Variants in CENPF observed in about 807,000 individuals in gnomAD.
The protein encoded by CENPF is centromere protein F.
CENPF carries 214 observed loss-of-function variants against 307.3 expected under a neutral mutation model. The ratio of observed to expected loss-of-function variants is 0.70; its 90% CI spans 0.62 to 0.78. The LOEUF is 0.78. Ranked by LOEUF, CENPF falls within the 30% of genes least tolerant of loss-of-function variation. The pLI, the probability that CENPF is intolerant of heterozygous loss-of-function variation, is 0.00. For missense variants in CENPF, 3,401 were observed against 3,483.9 expected (o/e 0.98, Z 0.60); for synonymous variants, 1,259 against 1,270.6 (o/e 0.99, Z 0.19).
intron 3 of CENPF, among the ~76,000 whole-genome samples, chr1:214,617,230 TAGAG>T (rs1657384622): frequency 1.3e-5 from 2 of 151,780 alleles, no homozygotes; most frequent in African/African-American, 4.8e-5. Flanking sequence ...GTATTTTTAG[TAGAG>T]AGAGGTTTTC....
In CENPF at chr1:214,645,961, G is replaced by C; in HGVS notation, c.6391G>C (p.Asp2131His). ...GAAACTGAGAGTTCGCATTGAGGCC[G>C]ATGAAAAGAAGCAGCTGCACATCGC... ...IEKLRVRIEA[D>H]EKKQLHIAEK... The change falls in exon 13 of 20, where the codon GAT becomes CAT. Residue 2131 changes from aspartate to histidine, a missense_variant. By Grantham distance (81) the Asp-to-His change is moderately conservative (BLOSUM62 -1). Transcript: ENST00000366955. 6.2e-7 allele frequency: 1 copy of C among 1,614,138 alleles called. No homozygotes were observed. Among genetic ancestry groups the C allele is most frequent in the Non-Finnish European group, 8.5e-7 (1 of 1,180,054 alleles).
chr1:214,630,590 G>A lies in CENPF; in HGVS notation c.1251G>A (p.Met417Ile), dbSNP rs757238771. 1.9e-6 allele frequency: 3 copies of A among 1,614,052 alleles called. No homozygotes were observed. The highest frequency in any genetic ancestry group is 1.3e-5 in the African/African-American group (1 of 74,918). Residue 417 changes from methionine to isoleucine, a missense_variant, in exon 9 of 20, where the codon ATG becomes ATA. Physicochemically the swap from Met to Ile is conservative, Grantham distance 10 (BLOSUM62 1). Transcript: ENST00000366955. ...FQTLDQECIQ[M>I]KARLTQELQQ... Reference sequence around the variant, plus strand: ...CACTGGACCAGGAGTGCATCCAGATGAAGGCCAGACTCACCCAGGAGTTAC... The same window carrying A: ...CACTGGACCAGGAGTGCATCCAGATAAAGGCCAGACTCACCCAGGAGTTAC...
At position 214,650,733 on chromosome 1, in the gene CENPF, T is replaced by G. The variant is rs576923246; in HGVS notation, c.7984-977T>G. 8.7e-5 allele frequency among the ~76,000 whole-genome samples: 13 copies of G among 149,912 alleles called. No homozygotes were observed. The South Asian group carries it at 2.1e-3, about 24-fold the overall frequency. ...CCTGGGCAACATGGCAAAACTCTGTTTCTACAAAAAAACAGTAAAATTAGC... is the reference window on the plus strand; with the variant it reads ...CCTGGGCAACATGGCAAAACTCTGTGTCTACAAAAAAACAGTAAAATTAGC... On this transcript the variant is annotated intron_variant, in intron 14 of 19. Coordinates refer to ENST00000366955, the MANE Select transcript of CENPF (RefSeq NM_016343.4).
intron 1 of CENPF, among the ~76,000 whole-genome samples, chr1:214,609,036 G>A (rs1480793833): frequency 2.0e-5 from 3 of 151,704 alleles, no homozygotes; most frequent in African/African-American, 7.3e-5. Context: ...GAGCCCCAGG[G>A]AGCCTCGCAA....
At chr1:214,649,349 C>T (rs1478584151) in intron 14 of CENPF, among the ~76,000 whole-genome samples, 1 of 152,114 alleles carries the variant, frequency 6.6e-6, no homozygotes, top group Non-Finnish European at 1.5e-5. Context: ...TCCCTTTTTC[C>T]TGAGTCTCCT....
chr1:214,640,835 G>C lies in CENPF; in HGVS notation c.2497G>C (p.Asp833His). 1 of 1,601,804 alleles carries C rather than the reference G, an allele frequency of 6.2e-7. No homozygotes were observed. Among genetic ancestry groups the C allele is most frequent in the Non-Finnish European group, 8.5e-7 (1 of 1,175,808 alleles). The change falls in exon 12 of 20, where the codon GAT becomes CAT. Residue 833 changes from aspartate to histidine, a missense_variant. Transcript: ENST00000366955. ...TTCTGCCATCCTACAAAATAGAGTTGATTCACTTGAATTTTCATTAGAGTC... is the reference window on the plus strand; with the variant it reads ...TTCTGCCATCCTACAAAATAGAGTTCATTCACTTGAATTTTCATTAGAGTC... ...KNSAILQNRV[D>H]SLEFSLESQK...
At chr1:214,605,483 T>C in intron 1 of CENPF, 4 of 561,330 alleles carry the variant, frequency 7.1e-6, no homozygotes, top group South Asian at 2.5e-5. Context: ...ATTTCTGTTT[T>C]CACGTATTTT....
At chr1:214,616,153 T>C (rs1168913019) in intron 3 of CENPF, among the ~76,000 whole-genome samples, 1 of 152,158 alleles carries the variant, frequency 6.6e-6, no homozygotes, top group Non-Finnish European at 1.5e-5. Context: ...CTTTTAGCTT[T>C]GTAGTGCTTT....
chr1:214,616,969 C>T (rs1430840606), intron 3 of CENPF, among the ~76,000 whole-genome samples: 3 of 117,756 alleles, frequency 2.5e-5, no homozygotes, highest in Admixed American at 8.8e-5. Context: ...TCCCTCCTTC[C>T]CTCCCTCCCT....
At chr1:214,651,166 A>C (rs1658451340) in intron 14 of CENPF, among the ~76,000 whole-genome samples, 1 of 152,184 alleles carries the variant, frequency 6.6e-6, no homozygotes, top group African/African-American at 2.4e-5. Context: ...AGAGACAGCT[A>C]CTCAGGGTCA....
intron 1 of CENPF, chr1:214,605,819 CCGTGCGAGAAGTCGA>C (rs1382060452): frequency 6.3e-7 from 1 of 1,593,002 alleles, no homozygotes; most frequent in African/African-American, 1.3e-5. Flanking sequence ...GAGCGCCAGC[CCGTGCGAGAAGTCGA>C]TCACCTCGTC....
chr1:214,610,019 C>CTTTTTTTT (rs34695664), intron 1 of CENPF, among the ~76,000 whole-genome samples: 1 of 130,376 alleles, frequency 7.7e-6, no homozygotes, highest in Non-Finnish European at 1.6e-5. Flanking sequence ...GTGCATGTGC[C>CTTTTTTTT]TTTTTTTTTT....
Position 214,647,257 on chromosome 1 carries a change from G to T in CENPF, c.7687G>T (p.Val2563Leu). 1 of 1,614,112 alleles carries T rather than the reference G, an allele frequency of 6.2e-7. No individual in the cohort carries two copies. Among genetic ancestry groups the T allele is most frequent in the Non-Finnish European group, 8.5e-7 (1 of 1,179,970 alleles). ...AAACTTAGAACTGAGAAATCTGACA[G>T]TGGAATTGGAGCAGAAGATCCAAGT... ...EQNLELRNLTVELEQKIQVLQ... is the reference protein window; with the variant it reads ...EQNLELRNLTLELEQKIQVLQ... The change falls in exon 13 of 20, where the codon GTG (valine) becomes TTG (leucine). Residue 2563 changes from valine to leucine, a missense_variant. Val to Leu is a conservative substitution (Grantham distance 32, BLOSUM62 1). Transcript: ENST00000366955.
At chr1:214,650,334 T>G (rs1571723503) in intron 14 of CENPF, among the ~76,000 whole-genome samples, 1 of 101,782 alleles carries the variant, frequency 9.8e-6, no homozygotes, top group Non-Finnish European at 1.8e-5. Flanking sequence ...GCACAAAGAT[T>G]GGAGGGGTAG....
chr1:214,625,030 G>A (rs964548657), intron 7 of CENPF, among the ~76,000 whole-genome samples: 4 of 151,786 alleles, frequency 2.6e-5, no homozygotes, highest in African/African-American at 9.7e-5. Context: ...ACTATTTAGT[G>A]TCCATGGTAA....
In CENPF at chr1:214,653,022, A is replaced by G. The variant is rs780784139; in HGVS notation, c.8322+33A>G. 6.4e-6 allele frequency: 10 copies of G among 1,559,394 alleles called. No individual in the cohort carries two copies. The Admixed American group carries it at 1.6e-4, about 24-fold the overall frequency. ...CACTTTAATTTGCTTCATGATTTCG[A>G]ATGGTTTATACAGGTGGTAGTGATT... On this transcript the variant is annotated intron_variant, in intron 16 of 19. Coordinates refer to ENST00000366955, the MANE Select transcript of CENPF (RefSeq NM_016343.4).
rs779758874 is a variant in CENPF, at chr1:214,651,888, T to G, written c.8160+2T>G. 3 of 1,595,986 alleles carry G rather than the reference T, an allele frequency of 1.9e-6. No individual in the cohort carries two copies. The African/African-American group carries it at 4.1e-5, about 22-fold the overall frequency. ...TTGCTTTTGGACACAAACAAACAGG[T>G]GAAATGTGGGGTTTGGTTACTGGGG... On this transcript the variant is annotated splice_donor_variant, in intron 15 of 19. Transcript: ENST00000366955. LOFTEE classifies it high-confidence loss of function.
At chr1:214,643,357 G>T in intron 12 of CENPF, 33 bp downstream of exon 12, 1 of 1,451,162 alleles carries the variant, frequency 6.9e-7, no homozygotes, top group African/African-American at 1.4e-5. Context: ...CCATTTCTCG[G>T]TTTACATGAC....
chr1:214,642,031 G>T lies in CENPF; in HGVS notation c.3693G>T (p.Lys1231Asn). The change falls in exon 12 of 20, where the codon AAG becomes AAT. Residue 1231 changes from lysine (K) to asparagine (N), a missense_variant. Physicochemically the swap from Lys to Asn is moderately conservative, Grantham distance 94. Coordinates refer to ENST00000366955, the MANE Select transcript of CENPF (RefSeq NM_016343.4). ...ELKLQESEKE[K>N]ECLQHELQTI... ...AACTTCAGGAAAGTGAGAAGGAGAA[G>T]GAGTGCCTGCAGCATGAATTACAGA... 6.2e-7 allele frequency: 1 copy of T among 1,611,090 alleles called. No homozygotes were observed. Among genetic ancestry groups the T allele is most frequent in the Non-Finnish European group, 8.5e-7 (1 of 1,179,316 alleles).
Sources: allele counts gnomAD v4.1 joint callset (sites outside exome capture counted in the v4.1 genomes callset), GRCh38; gene constraint gnomAD v4.1.1; transcripts MANE v1.5; gene names NCBI Gene and HGNC (gene_info 2026-07-23, HGNC 2026-07-21).